BBS2: variants seen among roughly 807,000 people sequenced by gnomAD.
The protein encoded by BBS2 is Bardet-Biedl syndrome 2, also known as BBSome complex member BBS2.
A neutral mutation model predicts 83.0 loss-of-function variants in BBS2; 62 were observed. That is an observed-to-expected ratio of 0.75 (90% CI 0.61 to 0.92). BBS2 has a LOEUF of 0.92. Ranked by LOEUF, BBS2 falls within the 40% of genes least tolerant of loss-of-function variation. BBS2 has a pLI of 0.00. For missense variants in BBS2, 784 were observed against 901.0 expected (o/e 0.87, Z 1.66); for synonymous variants, 303 against 326.1 (o/e 0.93, Z 0.76).
In BBS2 at chr16:56,485,621, A is replaced by G. The variant is rs1449284374; in HGVS notation, c.2028T>C (p.Asn676=). The change falls in exon 16 of 17, where the codon AAT becomes AAC. Residue 676 remains asparagine (N), a synonymous_variant. Transcript: ENST00000245157. Reference sequence around the variant, plus strand: ...GACGACCTGCTCTTTGAATTGCTTGATTTACTGCTTTGAGGTTTCCCAACA... The same window carrying G: ...GACGACCTGCTCTTTGAATTGCTTGGTTTACTGCTTTGAGGTTTCCCAACA... ...TELLGNLKAV[N]QAIQRAGRLR... 6.2e-7 allele frequency: 1 copy of G among 1,614,144 alleles called. No homozygotes were observed. Among genetic ancestry groups the G allele is most frequent in the Non-Finnish European group, 8.5e-7 (1 of 1,180,008 alleles).
chr16:56,514,932 A>G (rs551505678), intron 1 of BBS2, among the ~76,000 whole-genome samples: 3 of 152,318 alleles, frequency 2.0e-5, no homozygotes, highest in Admixed American at 1.3e-4. Context: ...ACTGCTTACC[A>G]GGCCAGCTTA....
intron 8 of BBS2, 58 bp downstream of exon 8, chr16:56,502,615 T>C: frequency 6.2e-7 from 1 of 1,613,552 alleles, no homozygotes. Flanking sequence ...TTCCTGATAT[T>C]TTGACCCAAT....
chr16:56,475,623 T>C, intron 17 of BBS2: 3 of 1,456,710 alleles, frequency 2.1e-6, no homozygotes, highest in Non-Finnish European at 2.9e-6. Flanking sequence ...CTTTCATTTT[T>C]CAAAGACCCA....
At chr16:56,485,958 A>G (rs1963765568) in intron 15 of BBS2, among the ~76,000 whole-genome samples, 1 of 152,170 alleles carries the variant, frequency 6.6e-6, no homozygotes, top group South Asian at 2.1e-4. Flanking sequence ...TTCCTTGGTT[A>G]CTGGTCAATG....
intron 17 of BBS2, chr16:56,474,894 A>G (rs746312312): frequency 6.2e-7 from 1 of 1,613,544 alleles, no homozygotes; most frequent in East Asian, 2.2e-5. Context: ...ACTTTAATTC[A>G]TGACCATAGC....
rs142249380 is a variant in BBS2, at chr16:56,488,256, C to T, written c.1911-2518G>A. Among the ~76,000 whole-genome samples the T allele has an allele frequency of 7.2e-3, 1,096 of 152,168 alleles. 8 individuals carry two copies. The highest frequency in any genetic ancestry group is 0.012 in the Non-Finnish European group (801 of 68,008). ...ACACCAGCTGGGTGTCCTCCAATTC[C>T]GTTCCGACACGATTCCCCCGGAGAC... On this transcript the variant is annotated intron_variant, in intron 15 of 16. Transcript: ENST00000245157.
rs1340236108 is a variant in BBS2, at chr16:56,502,749, T to G, written c.864A>C (p.Ala288=). Reference sequence around the variant, plus strand: ...AATCTCCCTCTACCACACCGGCAATTGCAGAAGAAAAATTGTCCTTAAAGA... The same window carrying G: ...AATCTCCCTCTACCACACCGGCAATGGCAGAAGAAAAATTGTCCTTAAAGA... The part of the protein sequence containing the change: ...EVIFKDNFSS[A]IAGVVEGDYR... Residue 288 remains alanine, a synonymous_variant, in exon 8 of 17, where the codon GCA becomes GCC. Transcript: ENST00000245157. 6.2e-7 allele frequency: 1 copy of G among 1,614,174 alleles called. No homozygotes were observed. The highest frequency in any genetic ancestry group is 1.7e-5 in the Admixed American group (1 of 60,016).
rs1473211343 is a variant in BBS2 at position 56,485,725 on chromosome 16, T to G, written c.1924A>C (p.Ser642Arg). 1.9e-6 allele frequency: 3 copies of G among 1,613,894 alleles called. No homozygotes were observed. Among genetic ancestry groups the G allele is most frequent in the African/African-American group, 2.7e-5 (2 of 74,934 alleles). Residue 642 changes from serine to arginine, a missense_variant, in exon 16 of 17, where the codon AGT becomes CGT. By Grantham distance (110) the Ser-to-Arg change is moderately radical (BLOSUM62 -1). Transcript: ENST00000245157. ...RLMRDMKTMK[S>R]RYMELYDLNR... is the part of the protein sequence containing the mutation. ...AGGTCATAGAGTTCCATATAACGACTCTTCATTGTTTTCCTGTGCAAATCA... is the reference window on the plus strand; with the variant it reads ...AGGTCATAGAGTTCCATATAACGACGCTTCATTGTTTTCCTGTGCAAATCA...
chr16:56,511,039 A>G, intron 3 of BBS2, 118 bp from the exon 4 acceptor site: 1 of 1,565,806 alleles, frequency 6.4e-7, no homozygotes, highest in South Asian at 1.1e-5. Context: ...CGAATTATTC[A>G]TATCCTTTTT....
At chr16:56,505,864 A>T in intron 7 of BBS2, 86 bp downstream of exon 7, 1 of 1,013,100 alleles carries the variant, frequency 9.9e-7, no homozygotes, top group East Asian at 2.4e-5. Flanking sequence ...TTTACATCCC[A>T]ATGTTACTGT....
In BBS2 at chr16:56,495,766, A is replaced by ATGTG. The variant is rs34446691; in HGVS notation, c.1910+1197_1910+1200dup. ...GATTTTTATACAGACGTGTGTATATATGTGTGTGTGTGTGTGTGTGTGTGT... is the reference window on the plus strand; with the variant it reads ...GATTTTTATACAGACGTGTGTATATATGTGTGTGTGTGTGTGTGTGTGTGTGTGT... On this transcript the variant is annotated intron_variant, in intron 15 of 16. Transcript: ENST00000245157. Among the ~76,000 whole-genome samples the ATGTG allele has an allele frequency of 1.0e-4, 15 of 149,316 alleles. No individual in the cohort carries two copies. In the South Asian group the frequency reaches 1.1e-3, roughly 11 times the overall value.
chr16:56,479,661 C>T (rs559698434), downstream of BBS2, among the ~76,000 whole-genome samples: 1 of 152,310 alleles, frequency 6.6e-6, no homozygotes, highest in African/African-American at 2.4e-5. Context: ...CCCTATGTCT[C>T]AGGTTAGGAT....
At chr16:56,503,645 C>T (rs1193219740) in intron 7 of BBS2, among the ~76,000 whole-genome samples, 2 of 152,220 alleles carry the variant, frequency 1.3e-5, no homozygotes, top group Admixed American at 1.3e-4. Flanking sequence ...TGAGGCCGGG[C>T]ACAGTGGCTC....
intron 11 of BBS2, chr16:56,500,418 G>A (rs1244782183): frequency 4.0e-6 from 1 of 249,474 alleles, no homozygotes. Context: ...CTGAGGTCAG[G>A]AGTTCAAGAC....
chr16:56,509,570 T>G, intron 5 of BBS2: 1 of 192,730 alleles, frequency 5.2e-6, no homozygotes, highest in Non-Finnish European at 1.1e-5. Context: ...AATAATAATT[T>G]ATCTTCCTAT....
rs1399307949 is a variant in BBS2, at chr16:56,498,843, T to A, written c.1528-275A>T. On this transcript the variant is annotated intron_variant, in intron 12 of 16. Transcript: ENST00000245157. ...TGGCCCCACAGCAGACATGATTTCA[T>A]AGCATCTTCTACTTAGACATAGTCT... 6.2e-6 allele frequency: 4 copies of A among 645,442 alleles called. No individual in the cohort carries two copies. In the African/African-American group the frequency reaches 7.4e-5, roughly 12 times the overall value. The allele number at this position is 645,442 out of a possible 1,614,324, so 40.0% of individuals were successfully genotyped here.
chr16:56,517,549 C>T (rs1480240666), intron 1 of BBS2, among the ~76,000 whole-genome samples: 1 of 152,240 alleles, frequency 6.6e-6, no homozygotes. Flanking sequence ...GCTCCCATCA[C>T]ACTGAATCCC....
intron 2 of BBS2, among the ~76,000 whole-genome samples, chr16:56,511,632 A>G (rs1964579708): frequency 6.6e-6 from 1 of 152,182 alleles, no homozygotes; most frequent in Admixed American, 6.5e-5. Context: ...CTGGCCCACC[A>G]TGCAGATTTT....
At chr16:56,491,232 G>T (rs577743487) in intron 15 of BBS2, among the ~76,000 whole-genome samples, 1 of 152,162 alleles carries the variant, frequency 6.6e-6, no homozygotes, top group Non-Finnish European at 1.5e-5. Flanking sequence ...CAGCACAGCA[G>T]TGTTGGGAGG....
Sources: allele counts gnomAD v4.1 joint callset (sites outside exome capture counted in the v4.1 genomes callset), GRCh38; gene constraint gnomAD v4.1.1; transcripts MANE v1.5; gene names NCBI Gene and HGNC (gene_info 2026-07-23, HGNC 2026-07-21).